The following XKR9 variants were observed in gnomAD, a reference collection of about 807,000 sequenced individuals.
XKR9 encodes the protein XK related 9.
Under a neutral mutation model 32.0 loss-of-function variants are expected in XKR9, and 32 were observed. That is an observed-to-expected ratio of 1.00 (90% CI 0.76 to 1.34). XKR9 has a LOEUF of 1.34. XKR9 is among the 40% of genes most tolerant of loss of function. The probability of loss-of-function intolerance (pLI) is 0.00; values close to 1 mark genes in which losing one functional copy is unlikely to be tolerated. For missense variants in XKR9, 546 were observed against 429.7 expected (o/e 1.27, Z -2.39); for synonymous variants, 168 against 143.4 (o/e 1.17, Z -1.22).
At chr8:71,059,044 C>T in the XKR9 span, among the ~76,000 whole-genome samples, 4 of 152,206 alleles carry the variant, frequency 2.6e-5, no homozygotes, top group African/African-American at 2.4e-5. Flanking sequence ...CCAAAGGAAA[C>T]GTCAACTGTA....
At chr8:70,852,961 T>G in the XKR9 span, among the ~76,000 whole-genome samples, 1 of 151,668 alleles carries the variant, frequency 6.6e-6, no homozygotes, top group Non-Finnish European at 1.5e-5. Context: ...GTAACAAACC[T>G]GCACATTCTG....
intron 2 of XKR9, among the ~76,000 whole-genome samples, chr8:70,788,645 A>G (rs1003161493): frequency 2.6e-5 from 4 of 152,120 alleles, no homozygotes; most frequent in South Asian, 2.1e-4. Context: ...TTAGATATCT[A>G]TGATTTATGA....
chr8:70,751,585 T>C (rs1340793531), intron 2 of XKR9, among the ~76,000 whole-genome samples: 1 of 152,128 alleles, frequency 6.6e-6, no homozygotes, highest in African/African-American at 2.4e-5. Flanking sequence ...CCAATATGGG[T>C]AGGTACCATA....
rs185950008 is a variant in XKR9, at chr8:70,691,422, C to T, written c.272+10092C>T. On this transcript the variant is annotated intron_variant, in intron 3 of 4. Coordinates refer to ENST00000408926, the MANE Select transcript of XKR9 (RefSeq NM_001011720.2). Reference sequence around the variant, plus strand: ...CAGAAGCTTTTAAGTTTAGTTAGATCTCATTTGTCAATTTTTGCTTTTGTT... The same window carrying T: ...CAGAAGCTTTTAAGTTTAGTTAGATTTCATTTGTCAATTTTTGCTTTTGTT... Among the ~76,000 whole-genome samples the T allele has an allele frequency of 8.5e-5, 13 of 152,258 alleles. No homozygotes were observed. In the East Asian group the frequency reaches 2.5e-3, roughly 29 times the overall value.
At chr8:70,754,207 G>T (rs969468317) in intron 2 of XKR9, among the ~76,000 whole-genome samples, 1 of 148,000 alleles carries the variant, frequency 6.8e-6, no homozygotes, top group African/African-American at 2.4e-5. Context: ...CAACTTACAA[G>T]GGATGTGAAG....
the XKR9 span, among the ~76,000 whole-genome samples, chr8:70,813,614 A>G: frequency 6.6e-6 from 1 of 152,228 alleles, no homozygotes; most frequent in Admixed American, 6.5e-5. Context: ...AAACAACCCC[A>G]TCAACAAGTG....
At position 70,698,316 on chromosome 8, in the gene XKR9, G is replaced by A. The variant is rs1480873635; in HGVS notation, c.273-8617G>A. Among the ~76,000 whole-genome samples the A allele has an allele frequency of 2.0e-5, 3 of 152,044 alleles. No individual in the cohort carries two copies. In the East Asian group the frequency reaches 5.8e-4, roughly 29 times the overall value. On this transcript the variant is annotated intron_variant, in intron 3 of 4. Coordinates refer to ENST00000408926, the MANE Select transcript of XKR9 (RefSeq NM_001011720.2). Reference sequence around the variant, plus strand: ...TGATCTTTCCTGCTTTCTCTTGTGGGCATTTAGTGCTATAAATTTCCCTCT... The same window carrying A: ...TGATCTTTCCTGCTTTCTCTTGTGGACATTTAGTGCTATAAATTTCCCTCT...
chr8:70,949,970 A>C, the XKR9 span, among the ~76,000 whole-genome samples: 1 of 152,214 alleles, frequency 6.6e-6, no homozygotes, highest in Non-Finnish European at 1.5e-5. Flanking sequence ...CAGTGCCTGC[A>C]AGGCTCTATG....
At chr8:70,856,241 T>G in the XKR9 span, among the ~76,000 whole-genome samples, 1 of 152,132 alleles carries the variant, frequency 6.6e-6, no homozygotes, top group Non-Finnish European at 1.5e-5. Context: ...CCATCTCACA[T>G]GCAGAGACAC....
intron 2 of XKR9, among the ~76,000 whole-genome samples, chr8:70,765,768 G>T (rs1807367178): frequency 6.6e-6 from 1 of 152,118 alleles, no homozygotes; most frequent in Non-Finnish European, 1.5e-5. Flanking sequence ...AATCCATCTT[G>T]AGTTAATCTT....
At chr8:70,832,660 A>G in the XKR9 span, among the ~76,000 whole-genome samples, 1 of 152,226 alleles carries the variant, frequency 6.6e-6, no homozygotes, top group Non-Finnish European at 1.5e-5. Flanking sequence ...ACAGTGTGCT[A>G]GACAGTTAAC....
At chr8:70,863,761 C>T in the XKR9 span, among the ~76,000 whole-genome samples, 1 of 152,064 alleles carries the variant, frequency 6.6e-6, no homozygotes, top group Non-Finnish European at 1.5e-5. Flanking sequence ...TAGAGAGAAA[C>T]AAATGGATTG....
At chr8:70,847,644 CAACT>C in the XKR9 span, among the ~76,000 whole-genome samples, 8 of 151,692 alleles carry the variant, frequency 5.3e-5, no homozygotes, top group Non-Finnish European at 1.2e-4. Flanking sequence ...AGGAGACAAA[CAACT>C]AATACCACAG....
At chr8:70,774,384 C>T (rs1266680199) in intron 2 of XKR9, among the ~76,000 whole-genome samples, 2 of 152,096 alleles carry the variant, frequency 1.3e-5, no homozygotes, top group Non-Finnish European at 2.9e-5. Flanking sequence ...ATCCTCCCAT[C>T]CACTCACCTC....
At chr8:71,025,728 T>C in the XKR9 span, among the ~76,000 whole-genome samples, 1 of 152,294 alleles carries the variant, frequency 6.6e-6, no homozygotes, top group South Asian at 2.1e-4. Flanking sequence ...GAAATCACTG[T>C]CATCCCTCAA....
rs769983101 is a variant in XKR9, at chr8:70,699,201, G to A, written c.273-7732G>A. Among the ~76,000 whole-genome samples, 45 of 152,178 alleles carry A rather than the reference G, an allele frequency of 3.0e-4. 1 individual carries two copies. The Middle Eastern group carries it at 0.02, about 69-fold the overall frequency. ...ATTTACGTTTAAAGTTAATATTGTT[G>A]TGTGTGAATTTGATCCTGTCATTAT... On this transcript the variant is annotated intron_variant, in intron 3 of 4. Transcript: ENST00000408926.
At chr8:70,857,636 AC>A in the XKR9 span, among the ~76,000 whole-genome samples, 1 of 152,200 alleles carries the variant, frequency 6.6e-6, no homozygotes, top group Non-Finnish European at 1.5e-5. Context: ...TCATCCTGAT[AC>A]CAAAGCCTGG....
intron 2 of XKR9, among the ~76,000 whole-genome samples, chr8:70,773,763 A>G (rs930108038): frequency 6.6e-6 from 1 of 152,182 alleles, no homozygotes; most frequent in Non-Finnish European, 1.5e-5. Flanking sequence ...AATATTTGGA[A>G]TCAAAGTCCA....
At chr8:70,701,323 A>G (rs1805526972) in intron 3 of XKR9, among the ~76,000 whole-genome samples, 1 of 152,114 alleles carries the variant, frequency 6.6e-6, no homozygotes, top group African/African-American at 2.4e-5. Flanking sequence ...CTATTCGTCC[A>G]TCTTGGCTGC....
Sources: allele counts gnomAD v4.1 joint callset (sites outside exome capture counted in the v4.1 genomes callset), GRCh38; gene constraint gnomAD v4.1.1; transcripts MANE v1.5; gene names NCBI Gene and HGNC (gene_info 2026-07-23, HGNC 2026-07-21).